The following NCOR1 variants were observed in gnomAD, a reference collection of about 807,000 sequenced individuals.
NCOR1 encodes the protein protein phosphatase 1, regulatory subunit 109.
A neutral mutation model predicts 288.1 loss-of-function variants in NCOR1; 63 were observed. That is an observed-to-expected ratio of 0.22 (90% CI 0.18 to 0.27). NCOR1 has a LOEUF of 0.27. Ranked by LOEUF, NCOR1 falls within the 10% of genes least tolerant of loss-of-function variation. The pLI is 1.00. For synonymous variants in NCOR1, 1,007 were observed against 1,065.9 expected (o/e 0.94, Z 1.08); for missense variants, 2,397 against 3,019.2 (o/e 0.79, Z 4.83).
rs543332692 is a variant in NCOR1 at position 16,149,042 on chromosome 17, G to C, written c.909+409C>G. Among the ~76,000 whole-genome samples the C allele has an allele frequency of 5.3e-5, 8 of 152,052 alleles. No homozygotes were observed. In the South Asian group the frequency reaches 1.7e-3, roughly 32 times the overall value. ...AAAATATGGAAAACCATTTGAATTT[G>C]AAAAAGCTGAACCCTAGCTGACCCC... On this transcript the variant is annotated intron_variant, in intron 9 of 45. Transcript: ENST00000268712.
At chr17:16,089,020 A>G (rs925202530) in intron 22 of NCOR1, among the ~76,000 whole-genome samples, 13 of 152,076 alleles carry the variant, frequency 8.5e-5, no homozygotes, top group African/African-American at 2.9e-4. Flanking sequence ...TTCCTAGATA[A>G]TTTAATATGA....
chr17:16,177,770 C>A (rs1049073394), intron 3 of NCOR1, among the ~76,000 whole-genome samples: 2 of 152,162 alleles, frequency 1.3e-5, no homozygotes, highest in African/African-American at 2.4e-5. Flanking sequence ...TGTTGAGAAA[C>A]CAGGATGGCA....
chr17:16,138,870 T>C (rs1377376799), intron 12 of NCOR1, 138 bp downstream of exon 12: 1 of 593,438 alleles, frequency 1.7e-6, no homozygotes, highest in African/African-American at 1.8e-5. Context: ...CAATATTCTC[T>C]ACTTTTCACA....
At chr17:16,178,498 C>CAAAAAAA (rs564320622) in intron 3 of NCOR1, among the ~76,000 whole-genome samples, 4 of 32,764 alleles carry the variant, frequency 1.2e-4, no homozygotes, top group African/African-American at 4.3e-4. Context: ...GACTCCGTCT[C>CAAAAAAA]AAAAAAAAAA....
chr17:16,165,096 A>G lies in NCOR1; in HGVS notation c.501T>C (p.Asp167=), dbSNP rs2081754822. The part of the protein sequence containing the change: ...SSPISGQPCG[D]DQNASPSKLS... Reference sequence around the variant, plus strand: ...GTTTTGAAGGTGAAGCATTTTGATCATCTCCACATGGTTGCCCCGAAATTG... The same window carrying G: ...GTTTTGAAGGTGAAGCATTTTGATCGTCTCCACATGGTTGCCCCGAAATTG... Residue 167 remains aspartate, a synonymous_variant, in exon 5 of 46, where the codon GAT becomes GAC. Coordinates refer to ENST00000268712, the MANE Select transcript of NCOR1 (RefSeq NM_006311.4). The G allele has an allele frequency of 6.2e-7, 1 of 1,610,764 alleles. No individual in the cohort carries two copies. Among genetic ancestry groups the G allele is most frequent in the Non-Finnish European group, 8.5e-7 (1 of 1,179,270 alleles).
chr17:16,078,499 G>T (rs954244866), intron 26 of NCOR1, among the ~76,000 whole-genome samples: 8 of 152,206 alleles, frequency 5.3e-5, no homozygotes, highest in Admixed American at 5.2e-4. Context: ...ATACATACAG[G>T]CCCATTTACT....
At chr17:16,129,108 T>G (rs1341622512) in intron 14 of NCOR1, among the ~76,000 whole-genome samples, 1 of 152,220 alleles carries the variant, frequency 6.6e-6, no homozygotes, top group Non-Finnish European at 1.5e-5. Context: ...TCAATGGCTT[T>G]TCTAACACTC....
At chr17:16,052,331 C>G (rs2059420237) in intron 40 of NCOR1, among the ~76,000 whole-genome samples, 1 of 152,012 alleles carries the variant, frequency 6.6e-6, no homozygotes, top group African/African-American at 2.4e-5. Flanking sequence ...GCCTCAGAAT[C>G]TGGTTTTTAG....
chr17:16,031,094 ATAAT>A lies in NCOR1; in HGVS notation c.*1198_*1201del, dbSNP rs1971898921. On this transcript the variant is annotated 3_prime_UTR_variant, in exon 46 of 46. Coordinates refer to ENST00000268712, the MANE Select transcript of NCOR1 (RefSeq NM_006311.4). ...AAGATAAAACTGGCCCTCTAGTACC[ATAAT>A]TAGTTTAGAATTCAGTCTTTTAAAT... is the stretch of plus-strand genomic sequence containing the variant. The A allele has an allele frequency of 5.2e-6, 1 of 191,920 alleles. No individual in the cohort carries two copies. Among genetic ancestry groups the A allele is most frequent in the African/African-American group, 2.3e-5 (1 of 43,060 alleles). 11.9% of individuals were successfully genotyped at this position (191,920 alleles called of 1,614,324 possible). A position where few individuals can be genotyped will look rare whatever the true frequency, so the allele number is the denominator to read the frequency against.
chr17:16,040,815 A>G (rs2057419313), intron 42 of NCOR1: 1 of 312,578 alleles, frequency 3.2e-6, no homozygotes, highest in South Asian at 3.4e-5. Context: ...GGACTGCTTG[A>G]GCATAGGAAT....
chr17:16,127,280 TAC>T (rs35625903), intron 14 of NCOR1, among the ~76,000 whole-genome samples: 3,151 of 45,744 alleles, frequency 0.069, 1,088 homozygotes, highest in African/African-American at 0.16. Flanking sequence ...TATGTATATA[TAC>T]GTGTATATAT....
At chr17:16,114,435 A>G (rs2071127098) in intron 18 of NCOR1, among the ~76,000 whole-genome samples, 1 of 152,130 alleles carries the variant, frequency 6.6e-6, no homozygotes, top group South Asian at 2.1e-4. Context: ...ACAGTCCTCC[A>G]AAGTCTTCAC....
Position 16,098,620 on chromosome 17 carries a change from T to C in NCOR1, c.2691-124A>G, listed in dbSNP as rs148190532. The stretch of plus-strand genomic sequence containing the variant: ...GCACACATGGACACATGGACACACA[T>C]ATATTAACCCATATAAAATATTTGG... On this transcript the variant is annotated intron_variant, in intron 20 of 45. Coordinates refer to ENST00000268712, the MANE Select transcript of NCOR1 (RefSeq NM_006311.4). The C allele has an allele frequency of 7.0e-4, 512 of 733,968 alleles. 1 individual carries two copies. The highest frequency in any genetic ancestry group is 9.2e-4 in the Non-Finnish European group (438 of 475,704). 45.5% of individuals were successfully genotyped at this position (733,968 alleles called of 1,614,324 possible).
chr17:16,215,526 T>C lies in NCOR1; in HGVS notation c.-235A>G. The C allele has an allele frequency of 2.5e-6, 1 of 398,554 alleles. No individual in the cohort carries two copies. Among genetic ancestry groups the C allele is most frequent in the Non-Finnish European group, 4.4e-6 (1 of 226,132 alleles). The allele number at this position is 398,554 out of a possible 1,614,324, so 24.7% of individuals were successfully genotyped here. ...TGCTGCTTCGCCACCTTGGCCGCCATCTTGACTCAACCCCTCTCCCTCCCC... is the reference window on the plus strand; with the variant it reads ...TGCTGCTTCGCCACCTTGGCCGCCACCTTGACTCAACCCCTCTCCCTCCCC... On this transcript the variant is annotated 5_prime_UTR_variant, in exon 1 of 46. An upstream start codon of the reference 5' UTR is lost. Transcript: ENST00000268712.
At chr17:16,127,635 GTATA>G (rs535832805) in intron 14 of NCOR1, among the ~76,000 whole-genome samples, 1 of 135,078 alleles carries the variant, frequency 7.4e-6, no homozygotes, top group South Asian at 2.3e-4. Context: ...ATACATATAT[GTATA>G]TATGTGTATG....
In NCOR1 at chr17:16,121,154, G is replaced by T. The variant is rs764389007; in HGVS notation, c.1750C>A (p.Arg584=). ...TANSQGRRKG[R]ITRSMTNEAA... ...TCGTTTGTCATGGACCTGGTGATCC[G>T]GCCCTTACGGCGGCCCTGACTGTTG... Residue 584 remains arginine (R), a synonymous_variant, in exon 16 of 46, where the codon CGG becomes AGG. Transcript: ENST00000268712. The T allele has an allele frequency of 9.9e-6, 16 of 1,614,098 alleles. No individual in the cohort carries two copies. The highest frequency in any genetic ancestry group is 1.4e-5 in the Non-Finnish European group (16 of 1,180,008).
At chr17:16,197,764 A>G (rs547173304) in intron 1 of NCOR1, among the ~76,000 whole-genome samples, 1 of 152,254 alleles carries the variant, frequency 6.6e-6, no homozygotes, top group South Asian at 2.1e-4. Flanking sequence ...TACACCTGCA[A>G]CTGCTCCAGG....
At chr17:16,082,636 C>G (rs1445501255) in intron 23 of NCOR1, among the ~76,000 whole-genome samples, 1 of 151,726 alleles carries the variant, frequency 6.6e-6, no homozygotes, top group African/African-American at 2.4e-5. Flanking sequence ...GCAGGATTGA[C>G]TGAGCCCAGG....
intron 14 of NCOR1, among the ~76,000 whole-genome samples, chr17:16,127,301 GTATATATACATGTATGTATATA>G (rs1568195514): frequency 1.0e-5 from 1 of 95,706 alleles, no homozygotes; most frequent in African/African-American, 3.7e-5. Context: ...ATGTATGTAT[GTATATATACATGTATGTATATA>G]TGTATGTATA....
Sources: allele counts gnomAD v4.1 joint callset (sites outside exome capture counted in the v4.1 genomes callset), GRCh38; gene constraint gnomAD v4.1.1; transcripts MANE v1.5; gene names NCBI Gene and HGNC (gene_info 2026-07-23, HGNC 2026-07-21).